Variants in MET observed in about 807,000 individuals in gnomAD.
MET encodes the protein MET proto-oncogene, receptor tyrosine kinase.
MET carries 48 observed loss-of-function variants against 133.1 expected under a neutral mutation model. The ratio of observed to expected loss-of-function variants is 0.36; its 90% confidence interval spans 0.29 to 0.46. The LOEUF (loss-of-function observed/expected upper bound fraction) is 0.46. Among genes scored for constraint, MET ranks in the 20% least tolerant of loss-of-function variants. The pLI is 1.00. For synonymous variants in MET, 628 were observed against 616.5 expected (o/e 1.02, Z -0.28); for missense variants, 1,442 against 1,695.9 (o/e 0.85, Z 2.63).
At chr7:116,679,938 G>T (rs1320179292) in intron 1 of MET, among the ~76,000 whole-genome samples, 3 of 152,116 alleles carry the variant, frequency 2.0e-5, no homozygotes, top group Admixed American at 6.6e-5. Context: ...TAAAATATAG[G>T]CATTGAGATC....
At chr7:116,710,291 G>A (rs1371851556) in intron 2 of MET, among the ~76,000 whole-genome samples, 1 of 152,160 alleles carries the variant, frequency 6.6e-6, no homozygotes, top group Non-Finnish European at 1.5e-5. Context: ...TATATAAGTA[G>A]TAGTTTAACA....
intron 2 of MET, among the ~76,000 whole-genome samples, chr7:116,713,286 T>C (rs1028249112): frequency 2.6e-5 from 4 of 151,358 alleles, no homozygotes; most frequent in African/African-American, 4.9e-5. Flanking sequence ...TCCCAGCTAC[T>C]TGGGAGGCTG....
rs1584877113 is a variant in MET, at chr7:116,699,622, C to G, written c.538C>G (p.Leu180Val). The G allele has an allele frequency of 6.2e-7, 1 of 1,613,992 alleles. No homozygotes were observed. Residue 180 changes from leucine to valine, a missense_variant, in exon 2 of 21, where the codon CTG becomes GTG. By Grantham distance (32) the Leu-to-Val change is conservative (BLOSUM62 1). This residue lies in a region of MET where 762 missense variants were observed against 792.4 expected (regional missense o/e 0.96). Transcript: ENST00000397752. Reference protein sequence around the residue: ...SQCPDCVVSALGAKVLSSVKD... With the variant: ...SQCPDCVVSAVGAKVLSSVKD... The stretch of plus-strand genomic sequence containing the variant: ...GTGTCCTGACTGTGTGGTGAGCGCC[C>G]TGGGAGCCAAAGTCCTTTCATCTGT...
At chr7:116,752,263 T>C (rs534463648) in intron 5 of MET, among the ~76,000 whole-genome samples, 1 of 152,316 alleles carries the variant, frequency 6.6e-6, no homozygotes, top group Non-Finnish European at 1.5e-5. Flanking sequence ...TGTTTTGTTT[T>C]TGTTTTTTAG....
At chr7:116,723,966 G>C (rs1464774656) in intron 2 of MET, among the ~76,000 whole-genome samples, 25 of 152,244 alleles carry the variant, frequency 1.6e-4, no homozygotes, top group Non-Finnish European at 1.5e-5. Flanking sequence ...GAGAGGTGGA[G>C]CCTACAGAGG....
chr7:116,718,781 T>C (rs1179678316), intron 2 of MET, among the ~76,000 whole-genome samples: 4 of 149,432 alleles, frequency 2.7e-5, no homozygotes, highest in Non-Finnish European at 5.9e-5. Flanking sequence ...CTGAGAATGA[T>C]GATTTCCAAT....
At chr7:116,793,905 T>TA (rs1166828541) in intron 19 of MET, among the ~76,000 whole-genome samples, 1 of 151,426 alleles carries the variant, frequency 6.6e-6, no homozygotes, top group Non-Finnish European at 1.5e-5. Flanking sequence ...TCTCAAAAAA[T>TA]AAAAAAGGAA....
At chr7:116,740,161 C>G in intron 4 of MET, 77 bp downstream of exon 4, 1 of 1,517,384 alleles carries the variant, frequency 6.6e-7, no homozygotes, top group Non-Finnish European at 9.2e-7. Flanking sequence ...TCACTTGGCC[C>G]TTTATAATGT....
At chr7:116,751,427 C>T (rs1040121697) in intron 5 of MET, among the ~76,000 whole-genome samples, 3 of 151,794 alleles carry the variant, frequency 2.0e-5, no homozygotes, top group Non-Finnish European at 4.4e-5. Context: ...TGTCGGGTGG[C>T]GGGGGTCTAG....
rs758486336 is a variant in MET at position 116,796,101 on chromosome 7, G to A, written c.4150G>A (p.Ala1384Thr). ...NADDEVDTRP[A>T]SFWETS ...TGATGATGAGGTGGACACACGACCA[G>A]CCTCCTTCTGGGAGACATCATAGTG... is the stretch of plus-strand genomic sequence containing the variant. Residue 1384 changes from alanine to threonine, a missense_variant, in exon 21 of 21, where the codon GCC (alanine) becomes ACC (threonine). Coordinates refer to ENST00000397752, the MANE Select transcript of MET (RefSeq NM_000245.4). The A allele has an allele frequency of 4.3e-6, 7 of 1,614,124 alleles. No homozygotes were observed.
intron 1 of MET, among the ~76,000 whole-genome samples, chr7:116,681,349 A>G (rs931424228): frequency 6.9e-6 from 1 of 145,126 alleles, no homozygotes; most frequent in Non-Finnish European, 1.6e-5. Context: ...CACCATTTTC[A>G]TGACTGAAAT....
chr7:116,773,086 C>T (rs1794885441), intron 14 of MET, among the ~76,000 whole-genome samples: 1 of 152,018 alleles, frequency 6.6e-6, no homozygotes, highest in Admixed American at 6.6e-5. Flanking sequence ...AAAAACTTAC[C>T]TAATCTTCTT....
intron 1 of MET, among the ~76,000 whole-genome samples, chr7:116,686,300 C>T (rs937057080): frequency 2.0e-5 from 3 of 152,202 alleles, no homozygotes; most frequent in African/African-American, 7.2e-5. Flanking sequence ...ACACCAGGCA[C>T]ATTTAGTTCT....
chr7:116,723,161 C>T (rs1245578550), intron 2 of MET, among the ~76,000 whole-genome samples: 1 of 141,104 alleles, frequency 7.1e-6, no homozygotes, highest in Non-Finnish European at 1.5e-5. Context: ...TCCCATATTT[C>T]TTGGAGGCTT....
At position 116,778,857 on chromosome 7, in the gene MET, C is replaced by A. The variant is rs375395179; in HGVS notation, c.3422C>A (p.Ser1141Ter). Residue 1141 changes from serine to a stop codon, truncating the protein, a stop_gained, in exon 17 of 21, where the codon TCG becomes TAG. Transcript: ENST00000397752. LOFTEE classifies it high-confidence loss of function. ...MKDFSHPNVL[S>*]LLGICLRSEG... ...GATTTTAGTCATCCCAATGTCCTCTCGCTCCTGGGAATCTGCCTGCGAAGT... is the reference window on the plus strand; with the variant it reads ...GATTTTAGTCATCCCAATGTCCTCTAGCTCCTGGGAATCTGCCTGCGAAGT... The A allele has an allele frequency of 6.2e-7, 1 of 1,614,042 alleles. No individual in the cohort carries two copies. Among genetic ancestry groups the A allele is most frequent in the Non-Finnish European group, 8.5e-7 (1 of 1,179,944 alleles).
Sources: gnomAD v4.1 joint callset for allele counts (sites outside exome capture counted in the v4.1 genomes callset) on GRCh38, gnomAD v4.1.1 for gene constraint, gnomAD v4.1.1 regional missense constraint, MANE v1.5 for transcripts, NCBI Gene and HGNC (gene_info 2026-07-23, HGNC 2026-07-21) for gene names.